DGKH: variants seen among roughly 807,000 people sequenced by gnomAD.
The protein encoded by DGKH is DAG kinase eta.
A neutral mutation model predicts 159.3 loss-of-function variants in DGKH; 90 were observed. The observed-to-expected ratio is 0.57, with a 90% CI of 0.48 to 0.67. The LOEUF (loss-of-function observed/expected upper bound fraction) is 0.67, where lower values mean the gene tolerates loss of function less well. DGKH is among the 30% of genes least tolerant of loss of function. The probability of loss-of-function intolerance (pLI) is 0.00; values close to 1 mark genes in which losing one functional copy is unlikely to be tolerated. For synonymous variants in DGKH, 536 were observed against 553.8 expected (o/e 0.97, Z 0.45); for missense variants, 1,181 against 1,506.1 (o/e 0.78, Z 3.57).
At chr13:42,073,881 G>A (rs1324735118) in intron 1 of DGKH, among the ~76,000 whole-genome samples, 3 of 152,178 alleles carry the variant, frequency 2.0e-5, no homozygotes, top group African/African-American at 4.8e-5. Context: ...AATGACAGTC[G>A]TGCACCAGGA....
chr13:42,227,715 A>T (rs1004100044), intron 29 of DGKH, among the ~76,000 whole-genome samples: 1 of 152,222 alleles, frequency 6.6e-6, no homozygotes, highest in Non-Finnish European at 1.5e-5. Context: ...TCTTGAAATT[A>T]TCTCAAGTTT....
chr13:42,164,077 G>A (rs1389278329), intron 7 of DGKH, among the ~76,000 whole-genome samples: 2 of 151,990 alleles, frequency 1.3e-5, no homozygotes, highest in Non-Finnish European at 2.9e-5. Flanking sequence ...AGCTTTATGA[G>A]TTTCTAACAG....
chr13:42,137,453 G>C (rs1011709408), intron 3 of DGKH, among the ~76,000 whole-genome samples: 2 of 152,212 alleles, frequency 1.3e-5, no homozygotes, highest in African/African-American at 4.8e-5. Flanking sequence ...ATCTGAAACA[G>C]AGAGGCTAAC....
downstream of DGKH, among the ~76,000 whole-genome samples, chr13:42,246,910 A>C (rs561957797): frequency 6.6e-6 from 1 of 152,154 alleles, no homozygotes. Context: ...GTGTGTGTGT[A>C]TATACACACA....
At chr13:42,060,941 C>A (rs534352647) in intron 1 of DGKH, among the ~76,000 whole-genome samples, 1 of 152,146 alleles carries the variant, frequency 6.6e-6, no homozygotes, top group East Asian at 1.9e-4. Context: ...GGGGTATATA[C>A]CCTGGGGTTC....
intron 1 of DGKH, among the ~76,000 whole-genome samples, chr13:42,104,469 G>A (rs929939108): frequency 2.0e-5 from 3 of 152,214 alleles, no homozygotes; most frequent in Admixed American, 1.3e-4. Flanking sequence ...CAAATAGCCT[G>A]GGATATGTAG....
At chr13:42,193,523 T>A (rs1957133057) in intron 16 of DGKH, among the ~76,000 whole-genome samples, 1 of 152,236 alleles carries the variant, frequency 6.6e-6, no homozygotes, top group Admixed American at 6.5e-5. Flanking sequence ...ATAATTCATA[T>A]GTCTGAGATG....
Position 42,048,973 on chromosome 13 carries a change from G to A in DGKH, c.192+8G>A. The A allele has an allele frequency of 3.9e-6, 5 of 1,281,272 alleles. No homozygotes were observed. Among genetic ancestry groups the A allele is most frequent in the Non-Finnish European group, 5.0e-6 (5 of 1,006,084 alleles). 79.4% of individuals were successfully genotyped at this position (1,281,272 alleles called of 1,614,324 possible). A position where few individuals can be genotyped will look rare whatever the true frequency, so the allele number is the denominator to read the frequency against. On this transcript the variant is annotated splice_region_variant and intron_variant, in intron 1 of 29. Transcript: ENST00000337343. The surrounding 1 kb of genome is among the most constrained non-coding windows in gnomAD (Gnocchi z 6.7). The stretch of plus-strand genomic sequence containing the variant: ...GGGCAGATCCGGACCAAGGTAGGGC[G>A]GAGGAGGCGGGCCTGAGGGCCGCGT...
intron 13 of DGKH, among the ~76,000 whole-genome samples, chr13:42,179,375 C>G (rs1321394435): frequency 6.6e-6 from 1 of 152,136 alleles, no homozygotes; most frequent in Non-Finnish European, 1.5e-5. Context: ...TCATCTGTAA[C>G]TTTATTGCTT....
chr13:42,137,316 C>T (rs988428874), intron 3 of DGKH, among the ~76,000 whole-genome samples: 2 of 152,116 alleles, frequency 1.3e-5, no homozygotes, highest in Admixed American at 1.3e-4. Flanking sequence ...AGTTGCCTAC[C>T]TTATTTGATA....
intron 1 of DGKH, among the ~76,000 whole-genome samples, chr13:42,052,942 G>A: frequency 6.6e-6 from 1 of 151,924 alleles, no homozygotes; most frequent in East Asian, 1.9e-4. Context: ...TTTATTTTTT[G>A]ACATTTATAT....
At chr13:42,203,279 T>G (rs1403320183) in intron 20 of DGKH, among the ~76,000 whole-genome samples, 2 of 152,116 alleles carry the variant, frequency 1.3e-5, no homozygotes, top group Admixed American at 1.3e-4. Context: ...TTCGGAAGAG[T>G]AAAGGCATTG....
At chr13:42,184,552 A>G (rs1285398958) in intron 13 of DGKH, among the ~76,000 whole-genome samples, 2 of 152,176 alleles carry the variant, frequency 1.3e-5, no homozygotes, top group Non-Finnish European at 2.9e-5. Context: ...AGGAAATAAA[A>G]TGTTGGAAAT....
Position 42,103,150 on chromosome 13 carries a change from G to A in DGKH, c.193-24313G>A, listed in dbSNP as rs114484401. Among the ~76,000 whole-genome samples, 1,499 of 152,226 alleles carry A rather than the reference G, an allele frequency of 9.8e-3. 21 individuals carry two copies. The highest frequency in any genetic ancestry group is 0.035 in the African/African-American group (1,436 of 41,524). ...TATATTTATTTGGGGTTATAGTGTGGGTAATTGGAAGCCTTGTGGTTTTGT... is the reference window on the plus strand; with the variant it reads ...TATATTTATTTGGGGTTATAGTGTGAGTAATTGGAAGCCTTGTGGTTTTGT... On this transcript the variant is annotated intron_variant, in intron 1 of 29. Transcript: ENST00000337343.
chr13:42,151,465 A>C lies in DGKH; in HGVS notation c.385-3826A>C, dbSNP rs182288771. 4.0e-3 allele frequency among the ~76,000 whole-genome samples: 555 copies of C among 140,160 alleles called. 3 individuals carry two copies. The highest frequency in any genetic ancestry group is 6.4e-3 in the Non-Finnish European group (412 of 64,464). The allele number at this position is 140,160 out of a possible 152,430, so 92.0% of individuals were successfully genotyped here. A position where few individuals can be genotyped will look rare whatever the true frequency, so the allele number is the denominator to read the frequency against. ...ATGATTTTATTCTTTTTTGTGACTGAGTAGTATTCCATGGTGTGTGTGTGT... is the reference window on the plus strand; with the variant it reads ...ATGATTTTATTCTTTTTTGTGACTGCGTAGTATTCCATGGTGTGTGTGTGT... On this transcript the variant is annotated intron_variant, in intron 3 of 29. Coordinates refer to ENST00000337343, the MANE Select transcript of DGKH (RefSeq NM_178009.5).
At chr13:42,254,191 G>A (rs1037797936) in intron 30 of DGKH, among the ~76,000 whole-genome samples, 4 of 152,108 alleles carry the variant, frequency 2.6e-5, no homozygotes, top group Admixed American at 6.6e-5. Flanking sequence ...ATAGAGGAAT[G>A]TTCAAAATGT....
Position 42,155,376 on chromosome 13 carries a change from A to G in DGKH, c.470A>G (p.Gln157Arg), listed in dbSNP as rs1373754847. 1 of 1,609,846 alleles carries G rather than the reference A, an allele frequency of 6.2e-7. No homozygotes were observed. Among genetic ancestry groups the G allele is most frequent in the Non-Finnish European group, 8.5e-7 (1 of 1,179,070 alleles). Residue 157 changes from glutamine (Q) to arginine (R), a missense_variant, in exon 4 of 30, where the codon CAG becomes CGG. Gln to Arg is a conservative substitution (Grantham distance 43, BLOSUM62 1). Around this residue, in one of 5 missense-constraint regions of DGKH, gnomAD observed 369 missense variants for 519.4 expected, o/e 0.71. Transcript: ENST00000337343. ...EDWISSLKSV[Q>R]TREPYEVAQF... ...TGGATCAGCTCACTGAAGTCTGTAC[A>G]GACCAGAGAACCCTACGAGGTAAAA...
chr13:42,081,416 G>A (rs1368063161), intron 1 of DGKH, among the ~76,000 whole-genome samples: 2 of 152,178 alleles, frequency 1.3e-5, no homozygotes, highest in East Asian at 1.9e-4. Flanking sequence ...TTTTAACAGA[G>A]ACAGGGTTTC....
In DGKH at chr13:42,219,356, A is replaced by G. The variant is rs762498350; in HGVS notation, c.3333+7A>G. The G allele has an allele frequency of 1.4e-5, 22 of 1,612,928 alleles. No homozygotes were observed. The highest frequency in any genetic ancestry group is 1.9e-5 in the Non-Finnish European group (22 of 1,179,658). On this transcript the variant is annotated splice_region_variant and intron_variant, in intron 27 of 29. Transcript: ENST00000337343. ...ACACCCAAATGAGGATGAGGTATGT[A>G]AAATTCAGCCTGTTTCTCTAGAAAT...
Sources: gnomAD v4.1 joint callset for allele counts (sites outside exome capture counted in the v4.1 genomes callset) on GRCh38, gnomAD v4.1.1 for gene constraint, gnomAD v4.1.1 regional missense constraint, Gnocchi (gnomAD v3.1) non-coding constraint, MANE v1.5 for transcripts, NCBI Gene and HGNC (gene_info 2026-07-23, HGNC 2026-07-21) for gene names.